Variants in PTPRN2 observed in about 807,000 individuals in gnomAD.
PTPRN2 encodes protein tyrosine phosphatase receptor type N2.
PTPRN2 carries 74 observed loss-of-function variants against 118.8 expected under a neutral mutation model. That is an observed-to-expected ratio of 0.62 (90% CI 0.52 to 0.76). The LOEUF is 0.76. PTPRN2 is among the 30% of genes least tolerant of loss of function. PTPRN2 has a pLI of 0.00. For synonymous variants in PTPRN2, 641 were observed against 608.0 expected, an observed-to-expected ratio of 1.05 and a Z score of -0.80; for missense variants, 1,481 against 1,394.4, an observed-to-expected ratio of 1.06 and a Z score of -0.99.
At chr7:158,184,319 T>C (rs956541014) in intron 5 of PTPRN2, among the ~76,000 whole-genome samples, 1 of 152,230 alleles carries the variant, frequency 6.6e-6, no homozygotes, top group African/African-American at 2.4e-5. Flanking sequence ...GTACATTGTC[T>C]TACACATATT....
intron 1 of PTPRN2, among the ~76,000 whole-genome samples, chr7:158,524,451 G>A (rs1379376717): frequency 1.5e-5 from 1 of 65,638 alleles, no homozygotes; most frequent in Non-Finnish European, 3.2e-5. Flanking sequence ...ACCCTGGAGC[G>A]GAGTCTGCCC....
chr7:158,460,513 T>C lies in PTPRN2; in HGVS notation c.163+29222A>G, dbSNP rs148358449. 3.3e-3 allele frequency among the ~76,000 whole-genome samples: 497 copies of C among 151,604 alleles called. 1 individual carries two copies. Among genetic ancestry groups the C allele is most frequent in the Non-Finnish European group, 6.1e-3 (413 of 67,838 alleles). ...TCCAGCTGCAGAATGGGACTCTATC[T>C]ACATGCTCCTCCTACGGGGGCTGTG... On this transcript the variant is annotated intron_variant, in intron 2 of 22. Transcript: ENST00000389418.
At position 157,656,673 on chromosome 7, in the gene PTPRN2, C is replaced by T. The variant is rs545627550; in HGVS notation, c.2002-122G>A. 2,077 of 1,057,832 alleles carry T rather than the reference C, an allele frequency of 2.0e-3. 4 individuals are homozygous for T. Among genetic ancestry groups the T allele is most frequent in the Non-Finnish European group, 2.4e-3 (1,783 of 740,580 alleles). The allele number at this position is 1,057,832 out of a possible 1,614,324, so 65.5% of individuals were successfully genotyped here. ...TGCTAAGATCCAAGGTTCAGGCAGG[C>T]GAGAGTTTACCCCAGGGCAGGCCAG... On this transcript the variant is annotated intron_variant, in intron 13 of 22. Transcript: ENST00000389418.
At chr7:158,171,117 C>CAT (rs1563554548) in intron 5 of PTPRN2, among the ~76,000 whole-genome samples, 1 of 83,708 alleles carries the variant, frequency 1.2e-5, no homozygotes, top group Non-Finnish European at 2.1e-5. Context: ...TATATATACA[C>CAT]ACATATATAC....
At chr7:158,369,589 A>T (rs1809805833) in intron 2 of PTPRN2, among the ~76,000 whole-genome samples, 1 of 152,192 alleles carries the variant, frequency 6.6e-6, no homozygotes. Flanking sequence ...CTCATTCACC[A>T]ATCTGTTTAT....
intron 17 of PTPRN2, among the ~76,000 whole-genome samples, chr7:157,584,459 T>C (rs549866545): frequency 6.6e-6 from 1 of 152,344 alleles, no homozygotes; most frequent in Non-Finnish European, 1.5e-5. Flanking sequence ...GAAAATGTTA[T>C]CAAAGGCTTG....
At chr7:158,521,768 G>T (rs1274565027) in intron 1 of PTPRN2, among the ~76,000 whole-genome samples, 4 of 97,672 alleles carry the variant, frequency 4.1e-5, no homozygotes, top group Admixed American at 1.9e-4. Flanking sequence ...GCTCGGGAGG[G>T]AGGTCCACGT....
At chr7:158,340,585 C>G (rs1191030921) in intron 2 of PTPRN2, among the ~76,000 whole-genome samples, 21 of 117,426 alleles carry the variant, frequency 1.8e-4, no homozygotes, top group African/African-American at 4.3e-4. Flanking sequence ...TAAGAGCCGA[C>G]GCCCGCAGAC....
At chr7:158,537,488 T>C (rs1825717311) in intron 1 of PTPRN2, 1 of 152,312 alleles carries the variant, frequency 6.6e-6, no homozygotes, top group African/African-American at 2.4e-5. Flanking sequence ...GCAGTCCACA[T>C]GCCGTCTCTA....
At chr7:158,061,563 G>A (rs2128907521) in intron 11 of PTPRN2, among the ~76,000 whole-genome samples, 1 of 152,350 alleles carries the variant, frequency 6.6e-6, no homozygotes, top group Admixed American at 6.5e-5. Flanking sequence ...CAGTCGTGGT[G>A]GCAAAGTGGT....
At chr7:158,000,162 C>A (rs1041447885) in intron 11 of PTPRN2, among the ~76,000 whole-genome samples, 1 of 152,226 alleles carries the variant, frequency 6.6e-6, no homozygotes, top group Non-Finnish European at 1.5e-5. Context: ...GCTGGGATTA[C>A]AGGCATGAGT....
At chr7:158,062,067 A>C (rs141693762) in intron 11 of PTPRN2, among the ~76,000 whole-genome samples, 1 of 152,374 alleles carries the variant, frequency 6.6e-6, no homozygotes, top group East Asian at 1.9e-4. Flanking sequence ...TTGGTGCGGA[A>C]GCCCAGAGCC....
intron 12 of PTPRN2, among the ~76,000 whole-genome samples, chr7:157,715,381 A>G (rs1443176980): frequency 6.6e-6 from 1 of 152,174 alleles, no homozygotes; most frequent in African/African-American, 2.4e-5. Context: ...ATAAAGGAAG[A>G]AGAGGAAAAC....
intron 5 of PTPRN2, among the ~76,000 whole-genome samples, chr7:158,172,875 C>T (rs1034086580): frequency 1.4e-5 from 2 of 145,692 alleles, no homozygotes; most frequent in Non-Finnish European, 3.0e-5. Flanking sequence ...ACCATCCATA[C>T]CATCATCACC....
intron 12 of PTPRN2, among the ~76,000 whole-genome samples, chr7:157,746,990 T>C (rs2907685): frequency 0.022 from 2,753 of 123,292 alleles, 172 homozygotes; most frequent in East Asian, 0.048. Flanking sequence ...GTTGAGGCGA[T>C]TCTGAGGCCT....
intron 2 of PTPRN2, among the ~76,000 whole-genome samples, chr7:158,391,162 C>G (rs991024423): frequency 2.6e-5 from 4 of 152,238 alleles, no homozygotes; most frequent in African/African-American, 9.6e-5. Flanking sequence ...AACACCCTAA[C>G]CCAGCAGCTG....
rs1372132626 is a variant in PTPRN2, at chr7:157,720,316, C to T, written c.1789-37379G>A. On this transcript the variant is annotated intron_variant, in intron 12 of 22. Coordinates refer to ENST00000389418, the MANE Select transcript of PTPRN2 (RefSeq NM_002847.5). Reference sequence around the variant, plus strand: ...GACACTGCAGCCACTCTTGGTTTCTCGGCTGCCGCAATCGGTCATTCCAAT... The same window carrying T: ...GACACTGCAGCCACTCTTGGTTTCTTGGCTGCCGCAATCGGTCATTCCAAT... Among the ~76,000 whole-genome samples the T allele has an allele frequency of 5.3e-5, 8 of 152,308 alleles. 1 individual carries two copies. The highest frequency in any genetic ancestry group is 7.2e-5 in the African/African-American group (3 of 41,570).
At chr7:158,066,693 C>A (rs1224054259) in intron 11 of PTPRN2, among the ~76,000 whole-genome samples, 1 of 152,038 alleles carries the variant, frequency 6.6e-6, no homozygotes, top group African/African-American at 2.4e-5. Flanking sequence ...CTGGTGAAGT[C>A]CCTTACGAAT....
intron 12 of PTPRN2, among the ~76,000 whole-genome samples, chr7:157,795,368 A>G (rs73746620): frequency 0.029 from 4,425 of 152,316 alleles, 214 homozygotes; most frequent in African/African-American, 0.1. Flanking sequence ...CACAGCCTGC[A>G]AAATCTCCGA....
Sources: gnomAD v4.1 joint callset for allele counts (sites outside exome capture counted in the v4.1 genomes callset) on GRCh38, gnomAD v4.1.1 for gene constraint, MANE v1.5 for transcripts, NCBI Gene and HGNC (gene_info 2026-07-23, HGNC 2026-07-21) for gene names.